Variants in MYBPC1 observed in about 807,000 individuals in gnomAD.
MYBPC1 encodes myosin-binding protein C, slow-type.
Under a neutral mutation model 147.1 loss-of-function variants are expected in MYBPC1, and 52 were observed. The ratio of observed to expected loss-of-function variants is 0.35; its 90% CI spans 0.28 to 0.45. The LOEUF (loss-of-function observed/expected upper bound fraction) is 0.45, where lower values mean the gene tolerates loss of function less well. Among genes scored for constraint, MYBPC1 ranks in the 20% least tolerant of loss-of-function variants. MYBPC1 has a pLI of 1.00. For missense variants in MYBPC1, 1,228 were observed against 1,440.3 expected (o/e 0.85, Z 2.39); for synonymous variants, 477 against 475.9 (o/e 1.00, Z -0.03).
At chr12:101,635,624 T>C (rs1166677298) in intron 9 of MYBPC1, among the ~76,000 whole-genome samples, 1 of 152,116 alleles carries the variant, frequency 6.6e-6, no homozygotes, top group Non-Finnish European at 1.5e-5. Context: ...TGTATACAAG[T>C]ATATCTTAGG....
At chr12:101,692,827 G>A in the MYBPC1 span, among the ~76,000 whole-genome samples, 1 of 152,000 alleles carries the variant, frequency 6.6e-6, no homozygotes. Flanking sequence ...AAATAAACAT[G>A]GCTTTAGTAT....
chr12:101,641,776 A>G (rs1892097701), intron 10 of MYBPC1, among the ~76,000 whole-genome samples: 3 of 152,162 alleles, frequency 2.0e-5, no homozygotes, highest in African/African-American at 7.2e-5. Context: ...TAAAACCATC[A>G]GTATCCATAA....
intron 22 of MYBPC1, among the ~76,000 whole-genome samples, chr12:101,667,298 G>A (rs1594009035): frequency 1.3e-5 from 2 of 151,890 alleles, no homozygotes; most frequent in Admixed American, 1.3e-4. Context: ...ACATATATAT[G>A]ACTATAAAGG....
chr12:101,631,986 C>T, intron 7 of MYBPC1, 35 bp from the exon 8 acceptor site: 4 of 1,523,424 alleles, frequency 2.6e-6, no homozygotes, highest in Non-Finnish European at 3.6e-6. Flanking sequence ...GGAAAATAAA[C>T]TGAAATGTGT....
chr12:101,657,593 T>G (rs548829362), intron 18 of MYBPC1, among the ~76,000 whole-genome samples: 3 of 152,308 alleles, frequency 2.0e-5, no homozygotes, highest in African/African-American at 7.2e-5. Context: ...CACAACCTAG[T>G]TGAAATGGAC....
At chr12:101,620,005 T>A (rs568651162) in intron 3 of MYBPC1, among the ~76,000 whole-genome samples, 2 of 152,334 alleles carry the variant, frequency 1.3e-5, no homozygotes, top group South Asian at 2.1e-4. Context: ...AGTCTCTGTC[T>A]GGAAAGCAGC....
intron 21 of MYBPC1, 83 bp from the exon 22 acceptor site, chr12:101,663,343 T>C (rs577928318): frequency 3.0e-4 from 359 of 1,207,044 alleles, no homozygotes; most frequent in Non-Finnish European, 4.2e-4. Context: ...TTTTTATTTG[T>C]ATCCCCATTG....
intron 3 of MYBPC1, among the ~76,000 whole-genome samples, chr12:101,619,991 T>C (rs1887011059): frequency 6.6e-6 from 1 of 152,234 alleles, no homozygotes. Context: ...TCATATTTGC[T>C]AAAAGTCTCT....
Position 101,678,422 on chromosome 12 carries a change from A to G in MYBPC1, c.3246+184A>G, listed in dbSNP as rs146439634. Among the ~76,000 whole-genome samples, 515 of 152,336 alleles carry G rather than the reference A, an allele frequency of 3.4e-3. 3 individuals are homozygous for G. Among genetic ancestry groups the G allele is most frequent in the African/African-American group, 0.012 (495 of 41,572 alleles). ...AGATGTAGTAGTAAAAAATGCTTAC[A>G]TTTCTTTGCTAAGGGATTCCTTCTA... On this transcript the variant is annotated intron_variant, in intron 28 of 31. Transcript: ENST00000361466.
chr12:101,620,071 G>C (rs1415510174), intron 3 of MYBPC1, among the ~76,000 whole-genome samples: 1 of 152,114 alleles, frequency 6.6e-6, no homozygotes, highest in East Asian at 1.9e-4. Flanking sequence ...CTTGCATCTG[G>C]CTATCCATCC....
chr12:101,666,565 G>T (rs1897451318), intron 22 of MYBPC1: 2 of 620,754 alleles, frequency 3.2e-6, no homozygotes, highest in Non-Finnish European at 2.9e-6. Flanking sequence ...CACAGAGCAG[G>T]CTGTGCTCTC....
At position 101,674,293 on chromosome 12, in the gene MYBPC1, A is replaced by G. The variant is rs73182449; in HGVS notation, c.2809+671A>G. 9.0e-3 allele frequency among the ~76,000 whole-genome samples: 1,366 copies of G among 152,254 alleles called. 8 individuals are homozygous for G. The highest frequency in any genetic ancestry group is 0.017 in the Non-Finnish European group (1,137 of 68,010). ...ATTCTAGACAGTATAGATTCTAGCT[A>G]TAGTTTAACATGTTTCTTACTACAC... is the stretch of plus-strand genomic sequence containing the variant. On this transcript the variant is annotated intron_variant, in intron 25 of 31. Coordinates refer to ENST00000361466, the MANE Select transcript of MYBPC1 (RefSeq NM_002465.4).
At chr12:101,609,578 AC>A (rs1428022177) in intron 1 of MYBPC1, among the ~76,000 whole-genome samples, 10 of 152,126 alleles carry the variant, frequency 6.6e-5, no homozygotes, top group Admixed American at 5.2e-4. Context: ...AGAATCATGA[AC>A]CCTACTGCTG....
At chr12:101,625,806 C>T (rs1288235736) in intron 3 of MYBPC1, among the ~76,000 whole-genome samples, 1 of 152,134 alleles carries the variant, frequency 6.6e-6, no homozygotes, top group East Asian at 1.9e-4. Context: ...TATCCTTCTG[C>T]CAGGCGCGGT....
chr12:101,682,584 C>A lies in MYBPC1; in HGVS notation c.3434-20C>A, dbSNP rs759850890. ...AACTGAGAATAAATAAATACTGGTACAAATATTCTGATTCTGCAGTGATAT... is the reference window on the plus strand; with the variant it reads ...AACTGAGAATAAATAAATACTGGTAAAAATATTCTGATTCTGCAGTGATAT... On this transcript the variant is annotated intron_variant, in intron 29 of 31. Coordinates refer to ENST00000361466, the MANE Select transcript of MYBPC1 (RefSeq NM_002465.4). 18 of 1,604,856 alleles carry A rather than the reference C, an allele frequency of 1.1e-5. No individual in the cohort carries two copies. Among genetic ancestry groups the A allele is most frequent in the African/African-American group, 2.7e-5 (2 of 74,664 alleles).
Position 101,652,783 on chromosome 12 carries a change from T to C in MYBPC1, c.1632T>C (p.Ile544=), listed in dbSNP as rs1331007246. 3 of 1,605,934 alleles carry C rather than the reference T, an allele frequency of 1.9e-6. No individual in the cohort carries two copies. The highest frequency in any genetic ancestry group is 2.6e-6 in the Non-Finnish European group (3 of 1,172,710). ...NVTLPAKVHV[I]DPPKIILDGL... ...CTCTGCCTGCCAAAGTTCATGTTAT[T>C]GGTGAGTAGATAAAATAATTCATTG... Residue 544 remains isoleucine (I), a splice_region_variant and synonymous_variant, in exon 17 of 32, where the codon ATT becomes ATC. Transcript: ENST00000361466.
chr12:101,645,292 G>C (rs1213801694), intron 12 of MYBPC1, among the ~76,000 whole-genome samples: 1 of 152,184 alleles, frequency 6.6e-6, no homozygotes, highest in Non-Finnish European at 1.5e-5. Context: ...TTAATGTTGA[G>C]ATAAAACAAA....
intron 4 of MYBPC1, among the ~76,000 whole-genome samples, 178 bp downstream of exon 4, chr12:101,627,088 G>T (rs577640536): frequency 6.6e-6 from 1 of 152,164 alleles, no homozygotes; most frequent in Admixed American, 6.5e-5. Flanking sequence ...TTTGTTTTAC[G>T]TGAGAAACTT....
chr12:101,602,851 T>A (rs1368146398), intron 1 of MYBPC1, among the ~76,000 whole-genome samples: 1 of 152,174 alleles, frequency 6.6e-6, no homozygotes, highest in African/African-American at 2.4e-5. Flanking sequence ...TGACCTCTGT[T>A]GTGTTCTTAC....
Sources: gnomAD v4.1 joint callset for allele counts (sites outside exome capture counted in the v4.1 genomes callset) on GRCh38, gnomAD v4.1.1 for gene constraint, MANE v1.5 for transcripts, NCBI Gene and HGNC (gene_info 2026-07-23, HGNC 2026-07-21) for gene names.